Variants in TDRD15 observed in about 807,000 individuals in gnomAD.
The protein encoded by TDRD15 is tudor domain containing 15.
For missense variants in TDRD15, 1,416 were observed against 904.7 expected (o/e 1.57, Z -7.25); for synonymous variants, 503 against 314.5 (o/e 1.60, Z -6.34).
chr2:21,139,598 A>C lies in TDRD15; in HGVS notation c.2131A>C (p.Asn711His), dbSNP rs1665879841. 2.8e-6 allele frequency: 2 copies of C among 715,170 alleles called. No homozygotes were observed. Among genetic ancestry groups the C allele is most frequent in the Non-Finnish European group, 5.2e-6 (2 of 383,898 alleles). The allele number at this position is 715,170 out of a possible 1,614,324, so 44.3% of individuals were successfully genotyped here. Residue 711 changes from asparagine (N) to histidine (H), a missense_variant, in exon 4 of 4, where the codon AAT becomes CAT. Transcript: ENST00000405799. ...ACCTAAATCTAAAAAGTACCATTCA[A>C]ATAACCTGGTGGAAAATAACTTGTC... The part of the protein sequence containing the change: ...EGPKSKKYHS[N>H]NLVENNLSLP...
intron 3 of TDRD15, among the ~76,000 whole-genome samples, chr2:21,136,041 T>C (rs185631072): frequency 6.6e-5 from 10 of 152,190 alleles, no homozygotes; most frequent in African/African-American, 2.2e-4. Flanking sequence ...AAGATGTATG[T>C]AAATTTTTTC....
Position 21,141,669 on chromosome 2 carries a change from T to G in TDRD15, c.4202T>G (p.Val1401Gly), listed in dbSNP as rs1001584806. The change falls in exon 4 of 4, where the codon GTT (valine) becomes GGT (glycine). Residue 1401 changes from valine to glycine, a missense_variant. Coordinates refer to ENST00000405799, the MANE Select transcript of TDRD15 (RefSeq NM_001306137.2). ...GAACTTCAGAGGGAATTTTTAACTG[T>G]TCCTCAGCTAGGAATCCATGCTTTT... ...IYELQREFLT[V>G]PQLGIHAFLS... is the part of the protein sequence containing the mutation. The G allele has an allele frequency of 4.2e-6, 3 of 715,162 alleles. No homozygotes were observed. The highest frequency in any genetic ancestry group is 7.8e-6 in the Non-Finnish European group (3 of 383,590). The allele number at this position is 715,162 out of a possible 1,614,324, so 44.3% of individuals were successfully genotyped here.
rs1333326553 is a variant in TDRD15, at chr2:21,142,170, C to A, written c.4703C>A (p.Pro1568His). Residue 1568 changes from proline (P) to histidine (H), a missense_variant, in exon 4 of 4, where the codon CCT becomes CAT. Pro to His is a moderately conservative substitution (Grantham distance 77). Coordinates refer to ENST00000405799, the MANE Select transcript of TDRD15 (RefSeq NM_001306137.2). ...VLITKEEKKS[P>H]FLSMESIEKG... ...ATTACGAAAGAAGAAAAAAAATCCC[C>A]TTTTTTATCAATGGAAAGTATTGAA... is the stretch of plus-strand genomic sequence containing the variant. 1.5e-6 allele frequency: 1 copy of A among 671,734 alleles called. No homozygotes were observed. The highest frequency in any genetic ancestry group is 2.7e-6 in the Non-Finnish European group (1 of 372,362). 41.6% of individuals were successfully genotyped at this position (671,734 alleles called of 1,614,324 possible).
chr2:21,125,993 G>A (rs1665583064), intron 1 of TDRD15, among the ~76,000 whole-genome samples: 1 of 151,582 alleles, frequency 6.6e-6, no homozygotes, highest in African/African-American at 2.4e-5. Context: ...GAACATTCAG[G>A]TTGTGCATGT....
At chr2:21,136,244 G>A (rs1665804806) in intron 3 of TDRD15, among the ~76,000 whole-genome samples, 2 of 151,960 alleles carry the variant, frequency 1.3e-5, no homozygotes, top group Non-Finnish European at 2.9e-5. Flanking sequence ...AAAACATTTA[G>A]ACTTTGGTGA....
At chr2:21,136,445 C>T (rs1665808613) in intron 3 of TDRD15, among the ~76,000 whole-genome samples, 1 of 151,778 alleles carries the variant, frequency 6.6e-6, no homozygotes. Flanking sequence ...ACCTTTTGAC[C>T]TTTTTGAGAA....
chr2:21,128,486 C>T (rs536471153), intron 2 of TDRD15, among the ~76,000 whole-genome samples: 23 of 152,020 alleles, frequency 1.5e-4, no homozygotes, highest in African/African-American at 5.3e-4. Context: ...CCACGCCTGG[C>T]TAATTTTTTG....
chr2:21,125,786 T>C (rs991153876), intron 1 of TDRD15, among the ~76,000 whole-genome samples: 1 of 152,180 alleles, frequency 6.6e-6, no homozygotes, highest in Admixed American at 6.5e-5. Context: ...CGTCACACTT[T>C]CCTCTATTTG....
chr2:21,138,174 C>G lies in TDRD15; in HGVS notation c.707C>G (p.Ser236Cys), dbSNP rs1162708507. Residue 236 changes from serine to cysteine, a missense_variant, in exon 4 of 4, where the codon TCT becomes TGT. By Grantham distance (112) the Ser-to-Cys change is moderately radical (BLOSUM62 -1). Coordinates refer to ENST00000405799, the MANE Select transcript of TDRD15 (RefSeq NM_001306137.2). ...IQHVLDKLQP[S>C]LSVGSTESVK... ...CATGTTCTGGATAAGTTGCAGCCAT[C>G]TTTGTCAGTAGGAAGTACTGAAAGT... is the stretch of plus-strand genomic sequence containing the variant. 1.4e-6 allele frequency: 1 copy of G among 716,736 alleles called. No individual in the cohort carries two copies. The highest frequency in any genetic ancestry group is 2.6e-6 in the Non-Finnish European group (1 of 384,502). 44.4% of individuals were successfully genotyped at this position (716,736 alleles called of 1,614,324 possible). A position where few individuals can be genotyped will look rare whatever the true frequency, so the allele number is the denominator to read the frequency against.
In TDRD15 at chr2:21,144,051, T is replaced by C. The variant is rs1192614306; in HGVS notation, c.*779T>C. On this transcript the variant is annotated 3_prime_UTR_variant, in exon 4 of 4. Transcript: ENST00000405799. ...TTCCTGCGCTTATTTTGAAGAATCATTTTTCTGTTATATATAGTTTTATAT... is the reference window on the plus strand; with the variant it reads ...TTCCTGCGCTTATTTTGAAGAATCACTTTTCTGTTATATATAGTTTTATAT... Among the ~76,000 whole-genome samples the C allele has an allele frequency of 6.6e-6, 1 of 151,816 alleles. No homozygotes were observed. Among genetic ancestry groups the C allele is most frequent in the Non-Finnish European group, 1.5e-5 (1 of 67,778 alleles).
downstream of TDRD15, among the ~76,000 whole-genome samples, chr2:21,146,118 T>A (rs1666025814): frequency 6.6e-6 from 1 of 152,078 alleles, no homozygotes; most frequent in African/African-American, 2.4e-5. Flanking sequence ...ACTTCCTGAA[T>A]TATTTTGTGA....
Position 21,139,265 on chromosome 2 carries a change from C to T in TDRD15, c.1798C>T (p.His600Tyr), listed in dbSNP as rs892917135. ...CTTAGCGATGTGCTGTTCACTTGCA[C>T]ATATATTTCCTGTTGAAGATTTATG... ...PALAMCCSLAHIFPVEDLWTK... is the reference protein window; with the variant it reads ...PALAMCCSLAYIFPVEDLWTK... The change falls in exon 4 of 4, where the codon CAT (histidine) becomes TAT (tyrosine). Residue 600 changes from histidine (H) to tyrosine (Y), a missense_variant. By Grantham distance (83) the His-to-Tyr change is moderately conservative (BLOSUM62 2). Coordinates refer to ENST00000405799, the MANE Select transcript of TDRD15 (RefSeq NM_001306137.2). The T allele has an allele frequency of 1.4e-6, 1 of 714,336 alleles. No homozygotes were observed. Among genetic ancestry groups the T allele is most frequent in the Admixed American group, 2.0e-5 (1 of 49,600 alleles). The allele number at this position is 714,336 out of a possible 1,614,324, so 44.2% of individuals were successfully genotyped here.
chr2:21,125,050 G>A (rs1665556750), intron 1 of TDRD15, among the ~76,000 whole-genome samples: 1 of 143,782 alleles, frequency 7.0e-6, no homozygotes, highest in Non-Finnish European at 1.5e-5. Context: ...CTAATGTCAG[G>A]GTGTGTGAGT....
At position 21,142,137 on chromosome 2, in the gene TDRD15, T is replaced by C. The variant is rs1665947513; in HGVS notation, c.4670T>C (p.Ile1557Thr). The C allele has an allele frequency of 3.0e-6, 2 of 674,184 alleles. No homozygotes were observed. The highest frequency in any genetic ancestry group is 2.7e-5 in the Admixed American group (1 of 36,680). 41.8% of individuals were successfully genotyped at this position (674,184 alleles called of 1,614,324 possible). Residue 1557 changes from isoleucine to threonine, a missense_variant, in exon 4 of 4, where the codon ATA becomes ACA. Transcript: ENST00000405799. Reference protein sequence around the residue: ...SKNKKILSDLIVLITKEEKKS... With the variant: ...SKNKKILSDLTVLITKEEKKS... Reference sequence around the variant, plus strand: ...AATAAAAAAATTTTATCAGATTTAATAGTATTAATTACGAAAGAAGAAAAA... The same window carrying C: ...AATAAAAAAATTTTATCAGATTTAACAGTATTAATTACGAAAGAAGAAAAA...
Position 21,141,288 on chromosome 2 carries a change from A to G in TDRD15, c.3821A>G (p.Asn1274Ser). 2.8e-6 allele frequency: 2 copies of G among 711,768 alleles called. No homozygotes were observed. Among genetic ancestry groups the G allele is most frequent in the Non-Finnish European group, 5.2e-6 (2 of 383,000 alleles). The allele number at this position is 711,768 out of a possible 1,614,324, so 44.1% of individuals were successfully genotyped here. A position where few individuals can be genotyped will look rare whatever the true frequency, so the allele number is the denominator to read the frequency against. ...IRALNQTTSQ[N>S]PYDLIRPQIK... ...GCATTAAATCAAACAACCTCACAAA[A>G]CCCATATGACCTTATTAGGCCACAG... Residue 1274 changes from asparagine (N) to serine (S), a missense_variant, in exon 4 of 4, where the codon AAC becomes AGC. By Grantham distance (46) the Asn-to-Ser change is conservative (BLOSUM62 1). Coordinates refer to ENST00000405799, the MANE Select transcript of TDRD15 (RefSeq NM_001306137.2).
In TDRD15 at chr2:21,139,747, T is replaced by C. The variant is rs1223733543; in HGVS notation, c.2280T>C (p.Val760=). Residue 760 remains valine, a synonymous_variant, in exon 4 of 4, where the codon GTT becomes GTC. Coordinates refer to ENST00000405799, the MANE Select transcript of TDRD15 (RefSeq NM_001306137.2). ...TTAGACCAGGAACAGTTCTTGAAGT[T>C]AAATGTTCCTGTTATTATGGCCCAG... The part of the protein sequence containing the change: ...YIFRPGTVLE[V]KCSCYYGPGD... 1 of 715,538 alleles carries C rather than the reference T, an allele frequency of 1.4e-6. No homozygotes were observed. Among genetic ancestry groups the C allele is most frequent in the South Asian group, 1.5e-5 (1 of 67,534 alleles). 44.3% of individuals were successfully genotyped at this position (715,538 alleles called of 1,614,324 possible). A position where few individuals can be genotyped will look rare whatever the true frequency, so the allele number is the denominator to read the frequency against.
Position 21,138,945 on chromosome 2 carries a change from A to G in TDRD15, c.1478A>G (p.Asn493Ser). The G allele has an allele frequency of 1.4e-6, 1 of 714,344 alleles. No individual in the cohort carries two copies. The highest frequency in any genetic ancestry group is 2.6e-6 in the Non-Finnish European group (1 of 383,694). The allele number at this position is 714,344 out of a possible 1,614,324, so 44.3% of individuals were successfully genotyped here. A position where few individuals can be genotyped will look rare whatever the true frequency, so the allele number is the denominator to read the frequency against. Reference sequence around the variant, plus strand: ...ATAGCTTTTATAGCATATGTATTAAACCCATCAAATTTCTGGGTACGCACT... The same window carrying G: ...ATAGCTTTTATAGCATATGTATTAAGCCCATCAAATTTCTGGGTACGCACT... ...AYIAFIAYVL[N>S]PSNFWVRTND... Residue 493 changes from asparagine to serine, a missense_variant, in exon 4 of 4, where the codon AAC (asparagine) becomes AGC (serine). Transcript: ENST00000405799.
intron 3 of TDRD15, among the ~76,000 whole-genome samples, chr2:21,136,843 T>C (rs373476545): frequency 1.3e-5 from 2 of 152,158 alleles, no homozygotes; most frequent in African/African-American, 4.8e-5. Context: ...CCTACTTCAG[T>C]GTCTTTCTAT....
At chr2:21,135,957 A>G (rs182197033) in intron 3 of TDRD15, among the ~76,000 whole-genome samples, 1 of 151,896 alleles carries the variant, frequency 6.6e-6, no homozygotes, top group Admixed American at 6.6e-5. Flanking sequence ...TGTATATACC[A>G]CCTCTGTTTA....
Sources: allele counts gnomAD v4.1 joint callset (sites outside exome capture counted in the v4.1 genomes callset), GRCh38; gene constraint gnomAD v4.1.1; transcripts MANE v1.5; gene names NCBI Gene and HGNC (gene_info 2026-07-23, HGNC 2026-07-21).